The following RSPO3 variants were observed in gnomAD, a reference collection of about 807,000 sequenced individuals.
RSPO3 encodes R-spondin-3.
A neutral mutation model predicts 36.5 loss-of-function variants in RSPO3; 17 were observed. The ratio of observed to expected loss-of-function variants is 0.47; its 90% CI spans 0.32 to 0.70. The LOEUF is 0.70. RSPO3 is among the 30% of genes least tolerant of loss of function. RSPO3 has a pLI of 0.04. For missense variants in RSPO3, 294 were observed against 322.5 expected (o/e 0.91, Z 0.68); for synonymous variants, 108 against 107.0 (o/e 1.01, Z -0.06).
chr6:127,147,461 GT>G (rs913902483), intron 1 of RSPO3, among the ~76,000 whole-genome samples: 5 of 151,028 alleles, frequency 3.3e-5, no homozygotes, highest in South Asian at 4.2e-4. Flanking sequence ...AAGGATTATG[GT>G]TTTTTTTTCT....
chr6:127,120,724 A>C (rs932110906), intron 1 of RSPO3, among the ~76,000 whole-genome samples: 1 of 152,232 alleles, frequency 6.6e-6, no homozygotes, highest in Non-Finnish European at 1.5e-5. Flanking sequence ...GCCTTTTAAA[A>C]AGGTGGCAGT....
intron 1 of RSPO3, among the ~76,000 whole-genome samples, chr6:127,143,363 A>C (rs562589155): frequency 7.8e-4 from 118 of 152,206 alleles, no homozygotes; most frequent in Non-Finnish European, 1.4e-3. Context: ...TGTAAAAAAA[A>C]CTTTGATTAT....
At chr6:127,130,064 G>T (rs1434344448) in intron 1 of RSPO3, among the ~76,000 whole-genome samples, 2 of 152,034 alleles carry the variant, frequency 1.3e-5, no homozygotes, top group Non-Finnish European at 2.9e-5. Context: ...TTAGAAACAT[G>T]GTGTTGTAAG....
chr6:127,135,376 G>A (rs1371194716), intron 1 of RSPO3, among the ~76,000 whole-genome samples: 6 of 144,292 alleles, frequency 4.2e-5, no homozygotes, highest in South Asian at 2.2e-4. Flanking sequence ...AGCCGAAATC[G>A]TGCCACTGCA....
intron 1 of RSPO3, among the ~76,000 whole-genome samples, chr6:127,138,111 A>G (rs376405969): frequency 3.3e-5 from 5 of 152,256 alleles, no homozygotes; most frequent in African/African-American, 1.2e-4. Flanking sequence ...CCAAATCAAA[A>G]TATTTGGGAG....
intron 4 of RSPO3, among the ~76,000 whole-genome samples, chr6:127,185,112 C>A (rs1423280746): frequency 2.0e-5 from 3 of 151,914 alleles, no homozygotes; most frequent in Admixed American, 2.0e-4. Context: ...AACACTTAAC[C>A]TCCAAACAAA....
At chr6:127,148,000 A>T (rs1369320128) in intron 1 of RSPO3, among the ~76,000 whole-genome samples, 2 of 152,156 alleles carry the variant, frequency 1.3e-5, no homozygotes, top group African/African-American at 4.8e-5. Flanking sequence ...TGTGAGAAGA[A>T]ATATTTAATG....
chr6:127,156,887 T>C (rs913297534), intron 4 of RSPO3, among the ~76,000 whole-genome samples: 1 of 152,166 alleles, frequency 6.6e-6, no homozygotes, highest in Admixed American at 6.6e-5. Context: ...ACCTGTACTT[T>C]GCAAAGAAAC....
chr6:127,197,667 C>A lies in RSPO3; in HGVS notation c.*1660C>A. 1.0e-6 allele frequency: 1 copy of A among 964,028 alleles called. No homozygotes were observed. The highest frequency in any genetic ancestry group is 1.8e-5 in the South Asian group (1 of 55,150). 59.7% of individuals were successfully genotyped at this position (964,028 alleles called of 1,614,324 possible). On this transcript the variant is annotated 3_prime_UTR_variant, in exon 5 of 5. Transcript: ENST00000356698. ...CTTCTGGCTGCTTATCTCTGGACAC[C>A]CGTTCTCCACCAGTTGTACAGTTCA...
intron 4 of RSPO3, among the ~76,000 whole-genome samples, chr6:127,188,341 G>A (rs1775338675): frequency 6.6e-6 from 1 of 152,182 alleles, no homozygotes; most frequent in African/African-American, 2.4e-5. Flanking sequence ...ATTCTAAAAA[G>A]TTGTGATTAC....
intron 1 of RSPO3, among the ~76,000 whole-genome samples, chr6:127,135,498 A>C (rs1774138413): frequency 6.6e-6 from 1 of 151,334 alleles, no homozygotes; most frequent in Non-Finnish European, 1.5e-5. Context: ...CAGTAGTAGT[A>C]GTAGGAAATG....
intron 2 of RSPO3, 135 bp downstream of exon 2, chr6:127,148,974 C>A (rs1055693067): frequency 8.2e-6 from 6 of 735,150 alleles, no homozygotes; most frequent in Non-Finnish European, 1.2e-5. Context: ...CTAAACCATA[C>A]TTGGACTTAA....
At chr6:127,184,642 T>C (rs1775254319) in intron 4 of RSPO3, among the ~76,000 whole-genome samples, 1 of 152,002 alleles carries the variant, frequency 6.6e-6, no homozygotes, top group Non-Finnish European at 1.5e-5. Flanking sequence ...TCTGAAAGTT[T>C]GTGAAGAGAA....
rs1292691253 is a variant in RSPO3 at position 127,198,527 on chromosome 6, G to C, written c.*2520G>C. 6.6e-6 allele frequency among the ~76,000 whole-genome samples: 1 copy of C among 152,134 alleles called. No homozygotes were observed. Among genetic ancestry groups the C allele is most frequent in the Non-Finnish European group, 1.5e-5 (1 of 68,030 alleles). ...TGTCTCCATAATGGGGTAAACTGTT[G>C]ATAGTTTACCCCATCAACAGATGGT... On this transcript the variant is annotated 3_prime_UTR_variant, in exon 5 of 5. Coordinates refer to ENST00000356698, the MANE Select transcript of RSPO3 (RefSeq NM_032784.5).
In RSPO3 at chr6:127,150,550, T is replaced by C; in HGVS notation, c.414T>C (p.His138=). 1 of 1,610,910 alleles carries C rather than the reference T, an allele frequency of 6.2e-7. No individual in the cohort carries two copies. Among genetic ancestry groups the C allele is most frequent in the Non-Finnish European group, 8.5e-7 (1 of 1,178,508 alleles). Residue 138 remains histidine, a synonymous_variant, in exon 3 of 5, where the codon CAT becomes CAC. Transcript: ENST00000356698. ...NCPEGLEANN[H]TMECVSIVHC... ...CAGAAGGGTTGGAAGCCAACAACCA[T>C]ACTATGGAGTGTGTCAGTATTGGTA...
At chr6:127,144,682 A>T (rs1299513929) in intron 1 of RSPO3, among the ~76,000 whole-genome samples, 1 of 118,822 alleles carries the variant, frequency 8.4e-6, no homozygotes, top group Non-Finnish European at 1.7e-5. Flanking sequence ...TCTGTCACCC[A>T]GGCTGGAGTG....
At chr6:127,163,721 T>C (rs911219397) in intron 4 of RSPO3, among the ~76,000 whole-genome samples, 23 of 152,090 alleles carry the variant, frequency 1.5e-4, no homozygotes, top group African/African-American at 5.1e-4. Context: ...TACTTATTAC[T>C]TTAATAGCAA....
Position 127,150,559 on chromosome 6 carries a change from G to A in RSPO3, c.423G>A (p.Glu141=), listed in dbSNP as rs770585378. ...TGGAAGCCAACAACCATACTATGGA[G>A]TGTGTCAGTATTGGTAAGGAGAACC... The part of the protein sequence containing the change: ...EGLEANNHTM[E]CVSIVHCEVS... The change falls in exon 3 of 5, where the codon GAG becomes GAA. Residue 141 remains glutamate (E), a synonymous_variant. Transcript: ENST00000356698. The A allele has an allele frequency of 1.9e-6, 3 of 1,609,936 alleles. No homozygotes were observed. In the South Asian group the frequency reaches 3.3e-5, roughly 18 times the overall value.
intron 1 of RSPO3, among the ~76,000 whole-genome samples, chr6:127,125,776 A>G (rs1208544620): frequency 6.6e-6 from 1 of 152,140 alleles, no homozygotes; most frequent in African/African-American, 2.4e-5. Flanking sequence ...AGCAACAATC[A>G]GCATACTCAG....
Sources: allele counts gnomAD v4.1 joint callset (sites outside exome capture counted in the v4.1 genomes callset), GRCh38; gene constraint gnomAD v4.1.1; transcripts MANE v1.5; gene names NCBI Gene and HGNC (gene_info 2026-07-23, HGNC 2026-07-21).